The following SEMA3A variants were observed in gnomAD, a reference collection of about 807,000 sequenced individuals.
The protein encoded by SEMA3A is semaphorin 3A.
A neutral mutation model predicts 97.9 loss-of-function variants in SEMA3A; 29 were observed. The ratio of observed to expected loss-of-function variants is 0.30; its 90% CI spans 0.22 to 0.40. SEMA3A has a LOEUF of 0.40. SEMA3A is among the 10% of genes least tolerant of loss of function. The probability of loss-of-function intolerance (pLI) is 1.00; values close to 1 mark genes in which losing one functional copy is unlikely to be tolerated. For missense variants in SEMA3A, 763 were observed against 951.3 expected, an observed-to-expected ratio of 0.80 and a Z score of 2.60; for synonymous variants, 321 against 323.7, an observed-to-expected ratio of 0.99 and a Z score of 0.09.
In SEMA3A at chr7:84,415,858, C is replaced by G. The variant is rs1804418994; in HGVS notation, c.-245-43958G>C. 4.6e-5 allele frequency among the ~76,000 whole-genome samples: 7 copies of G among 151,868 alleles called. No homozygotes were observed. In the South Asian group the frequency reaches 1.5e-3, roughly 31 times the overall value. ...TTTGTATTTTTTTTATAGCAATTTT[C>G]AAATATCATAATTGCTACTTGCAAG... On this transcript the variant is annotated intron_variant, in intron 1 of 3. Transcript: ENST00000424555.
chr7:84,405,099 C>A (rs1684959351), intron 1 of SEMA3A, among the ~76,000 whole-genome samples: 2 of 151,950 alleles, frequency 1.3e-5, no homozygotes, highest in Admixed American at 6.6e-5. Context: ...CACATAGTGG[C>A]AAATTGGATA....
intron 3 of SEMA3A, among the ~76,000 whole-genome samples, chr7:84,222,810 C>T (rs1213959672): frequency 6.6e-6 from 1 of 151,792 alleles, no homozygotes; most frequent in Non-Finnish European, 1.5e-5. Context: ...TGTTCAAGGG[C>T]AACGGTTCTC....
At chr7:84,150,620 A>G (rs553268071) in intron 1 of SEMA3A, among the ~76,000 whole-genome samples, 38 of 152,274 alleles carry the variant, frequency 2.5e-4, no homozygotes, top group South Asian at 1.9e-3. Flanking sequence ...TTGCTAGCAC[A>G]GCAGTCTGAG....
At chr7:84,000,686 C>A (rs1790404428) in intron 12 of SEMA3A, among the ~76,000 whole-genome samples, 1 of 152,078 alleles carries the variant, frequency 6.6e-6, no homozygotes, top group Non-Finnish European at 1.5e-5. Flanking sequence ...AGAGTCTAAA[C>A]CCTTTCCAGT....
chr7:84,435,428 T>C (rs1227483223), intron 1 of SEMA3A, among the ~76,000 whole-genome samples: 1 of 152,116 alleles, frequency 6.6e-6, no homozygotes, highest in Non-Finnish European at 1.5e-5. Context: ...GCCAACATGG[T>C]GAAACCCCGT....
At chr7:84,240,694 T>C (rs1433370074) in intron 3 of SEMA3A, among the ~76,000 whole-genome samples, 1 of 152,066 alleles carries the variant, frequency 6.6e-6, no homozygotes, top group Non-Finnish European at 1.5e-5. Flanking sequence ...GCCATGGTGG[T>C]TTGCTGCACT....
intron 3 of SEMA3A, among the ~76,000 whole-genome samples, chr7:84,293,022 T>C (rs1363324926): frequency 2.6e-5 from 4 of 152,038 alleles, no homozygotes; most frequent in Non-Finnish European, 5.9e-5. Context: ...AAAACAGTTC[T>C]AGCAAAATTG....
intron 1 of SEMA3A, among the ~76,000 whole-genome samples, chr7:84,135,597 T>G (rs929120987): frequency 1.3e-5 from 2 of 152,202 alleles, no homozygotes; most frequent in Non-Finnish European, 2.9e-5. Flanking sequence ...TTACAAAAAC[T>G]TTTTAAAAGT....
chr7:84,276,804 G>A (rs2115725566), intron 3 of SEMA3A, among the ~76,000 whole-genome samples: 1 of 152,110 alleles, frequency 6.6e-6, no homozygotes, highest in South Asian at 2.1e-4. Context: ...TAACAAAATG[G>A]ATTTTTAATT....
intron 3 of SEMA3A, among the ~76,000 whole-genome samples, chr7:84,275,224 C>T (rs1011987): frequency 1.1e-3 from 162 of 152,090 alleles, no homozygotes; most frequent in Middle Eastern, 3.4e-3. Context: ...TCCATACATC[C>T]ACTTACCAGA....
chr7:84,013,359 T>C (rs1790961670), intron 7 of SEMA3A, among the ~76,000 whole-genome samples: 1 of 152,220 alleles, frequency 6.6e-6, no homozygotes, highest in Non-Finnish European at 1.5e-5. Flanking sequence ...AATGCAATAT[T>C]ACATTTGACA....
At chr7:84,085,850 T>C (rs561773074) in intron 4 of SEMA3A, among the ~76,000 whole-genome samples, 1 of 152,296 alleles carries the variant, frequency 6.6e-6, no homozygotes, top group African/African-American at 2.4e-5. Flanking sequence ...AAAAGTCTTG[T>C]TGTTAGTCAG....
chr7:84,376,345 G>C lies in SEMA3A; in HGVS notation c.-245-4445C>G, dbSNP rs1023646388. Among the ~76,000 whole-genome samples, 5 of 115,488 alleles carry C rather than the reference G, an allele frequency of 4.3e-5. 1 individual carries two copies. In the Admixed American group the frequency reaches 4.7e-4, roughly 11 times the overall value. The allele number at this position is 115,488 out of a possible 152,430, so 75.8% of individuals were successfully genotyped here. A position where few individuals can be genotyped will look rare whatever the true frequency, so the allele number is the denominator to read the frequency against. On this transcript the variant is annotated intron_variant, in intron 1 of 3. Transcript: ENST00000424555. ...TGGCCGGGCGCGGTGGCTCACGCCT[G>C]TAATCCCAGCACTTTGGGAGGCCAA...
At chr7:84,392,166 TC>T (rs1803597849) in intron 1 of SEMA3A, among the ~76,000 whole-genome samples, 1 of 152,092 alleles carries the variant, frequency 6.6e-6, no homozygotes, top group South Asian at 2.1e-4. Flanking sequence ...TTAGAGGTAT[TC>T]GTCATGCTGT....
At chr7:84,059,216 T>TA (rs952068093) in intron 5 of SEMA3A, among the ~76,000 whole-genome samples, 2 of 152,282 alleles carry the variant, frequency 1.3e-5, no homozygotes, top group Non-Finnish European at 2.9e-5. Flanking sequence ...AGGAAAATTG[T>TA]AAGTGTGCTA....
intron 1 of SEMA3A, among the ~76,000 whole-genome samples, chr7:84,376,907 A>G (rs1414553965): frequency 2.6e-5 from 4 of 152,054 alleles, no homozygotes; most frequent in African/African-American, 7.2e-5. Flanking sequence ...AGATTTTTGT[A>G]TATTATGGGT....
At chr7:84,212,476 T>C (rs535303514) in intron 3 of SEMA3A, among the ~76,000 whole-genome samples, 10 of 152,294 alleles carry the variant, frequency 6.6e-5, no homozygotes, top group African/African-American at 2.2e-4. Context: ...TGTAATATTA[T>C]GCCCTTAGCT....
At chr7:84,299,271 T>C (rs1462753752) in intron 3 of SEMA3A, among the ~76,000 whole-genome samples, 1 of 141,874 alleles carries the variant, frequency 7.0e-6, no homozygotes, top group Non-Finnish European at 1.5e-5. Context: ...TCCATATATA[T>C]ATCTCCATAT....
intron 4 of SEMA3A, among the ~76,000 whole-genome samples, chr7:84,066,474 T>C (rs1793503206): frequency 6.9e-6 from 1 of 144,412 alleles, no homozygotes; most frequent in Non-Finnish European, 1.5e-5. Flanking sequence ...AAAGAGGAAG[T>C]CAAATTGTCC....
Sources: allele counts gnomAD v4.1 joint callset (sites outside exome capture counted in the v4.1 genomes callset), GRCh38; gene constraint gnomAD v4.1.1; transcripts MANE v1.5; gene names NCBI Gene and HGNC (gene_info 2026-07-23, HGNC 2026-07-21).